LMO1: variants seen among roughly 807,000 people sequenced by gnomAD.
LMO1 encodes the protein rhombotin-1.
Under a neutral mutation model 18.0 loss-of-function variants are expected in LMO1, and 10 were observed. The observed-to-expected ratio is 0.55, with a 90% CI of 0.34 to 0.94. LMO1 has a LOEUF of 0.94. LMO1 is among the 40% of genes least tolerant of loss of function. The pLI is 0.02. For synonymous variants in LMO1, 77 were observed against 77.9 expected, an observed-to-expected ratio of 0.99 and a Z score of 0.06; for missense variants, 183 against 205.7, an observed-to-expected ratio of 0.89 and a Z score of 0.68.
chr11:8,262,344 T>C (rs1169829251), intron 1 of LMO1, among the ~76,000 whole-genome samples: 1 of 152,132 alleles, frequency 6.6e-6, no homozygotes, highest in African/African-American at 2.4e-5. Context: ...AGGCCTCACC[T>C]ACAGGGCAGG....
upstream of LMO1, among the ~76,000 whole-genome samples, chr11:8,265,739 G>T (rs1847254550): frequency 6.6e-6 from 1 of 152,162 alleles, no homozygotes; most frequent in African/African-American, 2.4e-5. Flanking sequence ...AGAGCTGGGG[G>T]CTAGACAGTG....
chr11:8,244,398 C>T (rs963747005), intron 1 of LMO1, among the ~76,000 whole-genome samples: 4 of 152,250 alleles, frequency 2.6e-5, no homozygotes, highest in African/African-American at 9.6e-5. Flanking sequence ...AATAAATTCA[C>T]TTCCAGATCA....
At chr11:8,248,563 C>CA (rs1439512974) in intron 1 of LMO1, among the ~76,000 whole-genome samples, 3 of 152,256 alleles carry the variant, frequency 2.0e-5, no homozygotes, top group Admixed American at 2.0e-4. Context: ...TCTGCAGCCT[C>CA]AGACAAGTTC....
intron 1 of LMO1, among the ~76,000 whole-genome samples, chr11:8,245,844 C>A (rs990776217): frequency 2.0e-5 from 3 of 152,192 alleles, no homozygotes; most frequent in African/African-American, 7.2e-5. Flanking sequence ...GCTCACAGTT[C>A]TGTAGGTTGT....
intron 1 of LMO1, among the ~76,000 whole-genome samples, 160 bp downstream of exon 1, chr11:8,263,178 T>C (rs931206899): frequency 6.6e-6 from 1 of 150,462 alleles, no homozygotes; most frequent in African/African-American, 2.4e-5. Context: ...TGTCCCCCGG[T>C]ACTTCCCCCC....
In LMO1 at chr11:8,243,319, C is replaced by T. The variant is rs147218201; in HGVS notation, c.26-12815G>A. Among the ~76,000 whole-genome samples the T allele has an allele frequency of 9.2e-5, 14 of 152,280 alleles. No homozygotes were observed. In the East Asian group the frequency reaches 2.1e-3, roughly 23 times the overall value. On this transcript the variant is annotated intron_variant, in intron 1 of 3. Coordinates refer to ENST00000335790, the MANE Select transcript of LMO1 (RefSeq NM_002315.3). ...TGGCTGAGGAGGTTCAGGGAGCATC[C>T]GTAGATGAAGCTGTTTAGAATACAA...
intron 1 of LMO1, among the ~76,000 whole-genome samples, chr11:8,243,233 A>AAGAG (rs77930219): frequency 6.6e-6 from 1 of 152,066 alleles, no homozygotes; most frequent in Non-Finnish European, 1.5e-5. Context: ...AGACCTGGAT[A>AAGAG]AGAGAGAGAG....
At chr11:8,234,455 C>T (rs1312783604) in intron 1 of LMO1, among the ~76,000 whole-genome samples, 3 of 152,170 alleles carry the variant, frequency 2.0e-5, no homozygotes, top group Non-Finnish European at 4.4e-5. Flanking sequence ...AGCCCAGCTG[C>T]CCCTCAGCTC....
intron 1 of LMO1, among the ~76,000 whole-genome samples, chr11:8,252,710 C>T (rs912942679): frequency 3.3e-5 from 5 of 152,342 alleles, no homozygotes; most frequent in Admixed American, 2.0e-4. Context: ...CGTGAGGAAC[C>T]GCATTCTGCC....
intron 1 of LMO1, among the ~76,000 whole-genome samples, chr11:8,238,154 C>T: frequency 6.6e-6 from 1 of 152,076 alleles, no homozygotes; most frequent in East Asian, 1.9e-4. Context: ...ACACTGAAAA[C>T]AACATAAATG....
chr11:8,249,575 C>A (rs187845843), intron 1 of LMO1, among the ~76,000 whole-genome samples: 3 of 152,204 alleles, frequency 2.0e-5, no homozygotes, highest in Admixed American at 6.5e-5. Flanking sequence ...CAGCATCATG[C>A]AGTATGCCCA....
upstream of LMO1, among the ~76,000 whole-genome samples, chr11:8,266,307 A>G (rs934622604): frequency 2.0e-5 from 3 of 152,040 alleles, no homozygotes; most frequent in Non-Finnish European, 4.4e-5. Context: ...CACTCACCCC[A>G]TCTGATGGCC....
chr11:8,238,341 C>T (rs1794087), intron 1 of LMO1, among the ~76,000 whole-genome samples: 142,398 of 152,230 alleles, frequency 0.94, 66,956 homozygotes, highest in Non-Finnish European at 0.98. Context: ...TTATATGTAG[C>T]TCCCAAACAG....
chr11:8,251,915 T>G (rs1167316322), intron 1 of LMO1, among the ~76,000 whole-genome samples: 1 of 143,170 alleles, frequency 7.0e-6, no homozygotes, highest in African/African-American at 2.6e-5. Context: ...GTGGTGGGTG[T>G]GTGGTGGGTG....
chr11:8,244,465 T>G (rs1350577091), intron 1 of LMO1, among the ~76,000 whole-genome samples: 2 of 152,238 alleles, frequency 1.3e-5, no homozygotes, highest in African/African-American at 2.4e-5. Context: ...CAGCCGAGTG[T>G]GTCTTTTTCA....
intron 2 of LMO1, 28 bp from the exon 3 acceptor site, chr11:8,227,128 A>G (rs1309299885): frequency 1.3e-6 from 2 of 1,596,188 alleles, no homozygotes; most frequent in Non-Finnish European, 1.7e-6. Context: ...CAGAGGACTC[A>G]GCAGCATTCT....
Position 8,227,031 on chromosome 11 carries a change from C to T in LMO1, c.309G>A (p.Arg103=). 1 of 1,613,950 alleles carries T rather than the reference C, an allele frequency of 6.2e-7. No homozygotes were observed. Among genetic ancestry groups the T allele is most frequent in the South Asian group, 1.1e-5 (1 of 91,080 alleles). The change falls in exon 3 of 4, where the codon CGG becomes CGA. Residue 103 remains arginine, a synonymous_variant. Coordinates refer to ENST00000335790, the MANE Select transcript of LMO1 (RefSeq NM_002315.3). Reference sequence around the variant, plus strand: ...CGAGGTGATACACGTTGTCCCGGGCCCGCATCACCATCTCGAAGGCTGGGA... The same window carrying T: ...CGAGGTGATACACGTTGTCCCGGGCTCGCATCACCATCTCGAAGGCTGGGA... ...KLIPAFEMVM[R]ARDNVYHLDC...
At chr11:8,267,727 A>C (rs1053392667), upstream of LMO1, among the ~76,000 whole-genome samples, 4 of 152,354 alleles carry the variant, frequency 2.6e-5, no homozygotes, top group Middle Eastern at 3.4e-3. Context: ...CCTAAACTTC[A>C]TTAGCTTCAA....
upstream of LMO1, among the ~76,000 whole-genome samples, chr11:8,266,283 G>A (rs1847260294): frequency 6.6e-6 from 1 of 152,156 alleles, no homozygotes; most frequent in Non-Finnish European, 1.5e-5. Flanking sequence ...GTTGACAGAG[G>A]CAGATAGAAA....
Sources: allele counts gnomAD v4.1 joint callset (sites outside exome capture counted in the v4.1 genomes callset), GRCh38; gene constraint gnomAD v4.1.1; transcripts MANE v1.5; gene names NCBI Gene and HGNC (gene_info 2026-07-23, HGNC 2026-07-21).